TWF2: variants seen among roughly 807,000 people sequenced by gnomAD.
The protein encoded by TWF2 is twinfilin-2.
A neutral mutation model predicts 45.1 loss-of-function variants in TWF2; 15 were observed. That is an observed-to-expected ratio of 0.33 (90% CI 0.22 to 0.51). The LOEUF (loss-of-function observed/expected upper bound fraction) is 0.51, where lower values mean the gene tolerates loss of function less well. Among genes scored for constraint, TWF2 ranks in the 20% least tolerant of loss-of-function variants. TWF2 has a pLI of 0.97. For synonymous variants in TWF2, 177 were observed against 195.8 expected, an observed-to-expected ratio of 0.90 and a Z score of 0.80; for missense variants, 423 against 469.1, an observed-to-expected ratio of 0.90 and a Z score of 0.91.
At chr3:52,233,520 G>A (rs1699698018) in intron 2 of TWF2, among the ~76,000 whole-genome samples, 2 of 152,258 alleles carry the variant, frequency 1.3e-5, no homozygotes, top group Non-Finnish European at 2.9e-5. Flanking sequence ...CTCAATTGGA[G>A]ATGGACAGTG....
chr3:52,236,174 A>C (rs1428296366), intron 1 of TWF2, among the ~76,000 whole-genome samples: 1 of 151,938 alleles, frequency 6.6e-6, no homozygotes, highest in Admixed American at 6.6e-5. Context: ...GGTAGCACGC[A>C]CCTGTAATCC....
In TWF2 at chr3:52,229,779, A is replaced by C; in HGVS notation, c.764T>G (p.Phe255Cys). ...HEGDPLESVV[F>C]IYSMPGYKCS... is the part of the protein sequence containing the mutation. ...CTTGTACCCCGGCATGGAGTAGATG[A>C]ACACTGTTGGGGGGCAGGAGGTGAG... Residue 255 changes from phenylalanine to cysteine, a missense_variant, in exon 8 of 9, where the codon TTC (phenylalanine) becomes TGC (cysteine). Physicochemically the swap from Phe to Cys is radical, Grantham distance 205. Coordinates refer to ENST00000305533, the MANE Select transcript of TWF2 (RefSeq NM_007284.4). 1 of 1,612,080 alleles carries C rather than the reference A, an allele frequency of 6.2e-7. No homozygotes were observed. The highest frequency in any genetic ancestry group is 8.5e-7 in the Non-Finnish European group (1 of 1,179,390).
Position 52,230,033 on chromosome 3 carries a change from T to C in TWF2, c.647A>G (p.His216Arg). Residue 216 changes from histidine (H) to arginine (R), a missense_variant, in exon 7 of 9, where the codon CAC (histidine) becomes CGC (arginine). His to Arg is a conservative substitution (Grantham distance 29, BLOSUM62 0). Transcript: ENST00000305533. ...DLERETIELV[H>R]TEPTDVAQLP... is the part of the protein sequence containing the mutation. ...CTGGGCCACATCCGTGGGCTCTGTG[T>C]GCACCAGCTCAATGGTTTCCCGCTC... 6.2e-7 allele frequency: 1 copy of C among 1,608,452 alleles called. No individual in the cohort carries two copies. The highest frequency in any genetic ancestry group is 1.7e-4 in the Middle Eastern group (1 of 6,056).
At chr3:52,233,679 A>G (rs1417173786) in intron 2 of TWF2, among the ~76,000 whole-genome samples, 2 of 152,144 alleles carry the variant, frequency 1.3e-5, no homozygotes, top group Non-Finnish European at 2.9e-5. Context: ...CCGTAATCCC[A>G]GCACTTTGGG....
Position 52,229,290 on chromosome 3 carries a change from C to A in TWF2, c.883-89G>T, listed in dbSNP as rs1005866671. 2.6e-6 allele frequency: 4 copies of A among 1,518,416 alleles called. No homozygotes were observed. The East Asian group carries it at 9.3e-5, about 35-fold the overall frequency. The allele number at this position is 1,518,416 out of a possible 1,614,324, so 94.1% of individuals were successfully genotyped here. A position where few individuals can be genotyped will look rare whatever the true frequency, so the allele number is the denominator to read the frequency against. On this transcript the variant is annotated intron_variant, in intron 8 of 8. Coordinates refer to ENST00000305533, the MANE Select transcript of TWF2 (RefSeq NM_007284.4). ...GCCCCCACTCCTGGGGCACCCCTTA[C>A]TCTCACATCCTAGCCCTGGGGTCTC...
At chr3:52,233,913 CAAAAAAAAAA>C (rs5848945) in intron 2 of TWF2, among the ~76,000 whole-genome samples, 1 of 74,242 alleles carries the variant, frequency 1.3e-5, no homozygotes, top group East Asian at 4.3e-4. Context: ...AACTCCGTCT[CAAAAAAAAAA>C]AAAAAAAAAA....
chr3:52,232,058 G>T lies in TWF2; in HGVS notation c.168C>A (p.Ala56=). 6 of 1,613,772 alleles carry T rather than the reference G, an allele frequency of 3.7e-6. No homozygotes were observed. Among genetic ancestry groups the T allele is most frequent in the Non-Finnish European group, 5.1e-6 (6 of 1,179,830 alleles). The change falls in exon 3 of 9, where the codon GCC becomes GCA. Residue 56 remains alanine, a synonymous_variant. Coordinates refer to ENST00000305533, the MANE Select transcript of TWF2 (RefSeq NM_007284.4). The part of the protein sequence containing the change: ...VGRWDQDYDR[A]VLPLLDAQQP... The stretch of plus-strand genomic sequence containing the variant: ...GCTGGGCGTCCAGCAGTGGCAGCAC[G>T]GCCCTGTCATAGTCCTGATCCCAGC...
chr3:52,231,119 C>T lies in TWF2; in HGVS notation c.483+8G>A, dbSNP rs754782247. 88 of 1,613,852 alleles carry T rather than the reference C, an allele frequency of 5.5e-5. 1 individual carries two copies. In the South Asian group the frequency reaches 8.9e-4, roughly 16 times the overall value. Reference sequence around the variant, plus strand: ...GGCTCAAGGCTGGGGCCTCTGCTCCCCACCCACCTCGTTAATGCGGATCTG... The same window carrying T: ...GGCTCAAGGCTGGGGCCTCTGCTCCTCACCCACCTCGTTAATGCGGATCTG... On this transcript the variant is annotated splice_region_variant and intron_variant, in intron 5 of 8. Coordinates refer to ENST00000305533, the MANE Select transcript of TWF2 (RefSeq NM_007284.4).
At chr3:52,230,205 C>T in intron 6 of TWF2, 135 bp from the exon 7 acceptor site, 1 of 1,212,710 alleles carries the variant, frequency 8.2e-7, no homozygotes, top group Non-Finnish European at 1.1e-6. Context: ...GACTCCCCTG[C>T]AATGGCCATC....
chr3:52,237,716 C>A (rs1284892293), intron 1 of TWF2, among the ~76,000 whole-genome samples: 1 of 152,220 alleles, frequency 6.6e-6, no homozygotes, highest in East Asian at 1.9e-4. Flanking sequence ...CCCGCCAGCT[C>A]CTCCTGGAGA....
In TWF2 at chr3:52,235,076, T is replaced by C; in HGVS notation, c.56A>G (p.Lys19Arg). The C allele has an allele frequency of 6.2e-7, 1 of 1,613,982 alleles. No individual in the cohort carries two copies. The highest frequency in any genetic ancestry group is 2.2e-5 in the East Asian group (1 of 44,888). Residue 19 changes from lysine to arginine, a missense_variant, in exon 2 of 9, where the codon AAG becomes AGG. Lys to Arg is a conservative substitution (Grantham distance 26, BLOSUM62 2). Coordinates refer to ENST00000305533, the MANE Select transcript of TWF2 (RefSeq NM_007284.4). ...ATEELKEFFA[K>R]ARAGSVRLIK... is the part of the protein sequence containing the mutation. ...GAGCCGCACAGAGCCAGCCCGTGCC[T>C]TGGCAAAGAATTCCTTCAGCTCTTC...
At chr3:52,236,085 G>A (rs1021402265) in intron 1 of TWF2, among the ~76,000 whole-genome samples, 4 of 152,118 alleles carry the variant, frequency 2.6e-5, no homozygotes, top group Admixed American at 1.3e-4. Flanking sequence ...CAGATCACCT[G>A]AGGTCAGGAG....
chr3:52,231,662 C>A, intron 3 of TWF2, 123 bp from the exon 4 acceptor site: 3 of 1,177,094 alleles, frequency 2.5e-6, no homozygotes, highest in South Asian at 2.9e-5. Context: ...GAGGGCCAGC[C>A]CGGGGCCAGG....
chr3:52,232,333 C>A (rs966130957), intron 2 of TWF2: 1 of 616,282 alleles, frequency 1.6e-6, no homozygotes, highest in South Asian at 2.0e-5. Flanking sequence ...GGCTGCCCCC[C>A]TGCACATCCC....
chr3:52,237,945 C>T (rs1033997389), intron 1 of TWF2, among the ~76,000 whole-genome samples: 3 of 152,232 alleles, frequency 2.0e-5, no homozygotes, highest in African/African-American at 4.8e-5. Flanking sequence ...GCAAACAGCC[C>T]GGGCCTTCCC....
In TWF2 at chr3:52,238,927, G is replaced by A. The variant is rs548094595; in HGVS notation, c.25+65C>T. 1.3e-3 allele frequency: 1,533 copies of A among 1,204,534 alleles called. 11 individuals are homozygous for A. In the African/African-American group the frequency reaches 0.046, roughly 36 times the overall value. The allele number at this position is 1,204,534 out of a possible 1,614,324, so 74.6% of individuals were successfully genotyped here. A position where few individuals can be genotyped will look rare whatever the true frequency, so the allele number is the denominator to read the frequency against. On this transcript the variant is annotated intron_variant, in intron 1 of 8. Transcript: ENST00000305533. Reference sequence around the variant, plus strand: ...TGTGGGGTGGAGGGAGGGGCCGAGAGCCGGGGGGGGGCGCTTCCGAGAGCC... The same window carrying A: ...TGTGGGGTGGAGGGAGGGGCCGAGAACCGGGGGGGGGCGCTTCCGAGAGCC...
chr3:52,235,945 T>C (rs1238668286), intron 1 of TWF2, among the ~76,000 whole-genome samples: 1 of 152,106 alleles, frequency 6.6e-6, no homozygotes. Flanking sequence ...CAACATGACC[T>C]TAACCCTCAG....
At chr3:52,231,632 C>T in intron 3 of TWF2, 93 bp from the exon 4 acceptor site, 2 of 1,393,286 alleles carry the variant, frequency 1.4e-6, no homozygotes, top group Admixed American at 2.1e-5. Context: ...GGTGGGCTCA[C>T]TGCGCTGGCA....
At chr3:52,236,440 A>G (rs1045685992) in intron 1 of TWF2, among the ~76,000 whole-genome samples, 2 of 152,142 alleles carry the variant, frequency 1.3e-5, no homozygotes, top group Admixed American at 6.6e-5. Context: ...TGGTGGATCT[A>G]CTAGTGGACA....
Sources: allele counts gnomAD v4.1 joint callset (sites outside exome capture counted in the v4.1 genomes callset), GRCh38; gene constraint gnomAD v4.1.1; transcripts MANE v1.5; gene names NCBI Gene and HGNC (gene_info 2026-07-23, HGNC 2026-07-21).